FGF14: variants seen among roughly 807,000 people sequenced by gnomAD.
FGF14 encodes the protein fibroblast growth factor 14.
Under a neutral mutation model 25.5 loss-of-function variants are expected in FGF14, and 5 were observed. The observed-to-expected ratio is 0.20, with a 90% CI of 0.10 to 0.41. FGF14 has a LOEUF of 0.41. Among genes scored for constraint, FGF14 ranks in the 10% least tolerant of loss-of-function variants. The pLI is 1.00. For synonymous variants in FGF14, 138 were observed against 118.3 expected (o/e 1.17, Z -1.08); for missense variants, 222 against 320.1 (o/e 0.69, Z 2.34).
chr13:101,786,245 A>T (rs1354700877), intron 3 of FGF14, among the ~76,000 whole-genome samples: 15 of 152,050 alleles, frequency 9.9e-5, no homozygotes, highest in Admixed American at 9.8e-4. Flanking sequence ...ACTACCTATT[A>T]TGTTTTGTTT....
At chr13:101,795,683 G>C (rs1465319494) in intron 3 of FGF14, among the ~76,000 whole-genome samples, 1 of 152,108 alleles carries the variant, frequency 6.6e-6, no homozygotes, top group Non-Finnish European at 1.5e-5. Flanking sequence ...GCCAACACTA[G>C]AGGGGCAAAC....
chr13:101,767,376 C>T (rs2038474548), intron 3 of FGF14, among the ~76,000 whole-genome samples: 1 of 151,984 alleles, frequency 6.6e-6, no homozygotes, highest in African/African-American at 2.4e-5. Context: ...TTTAAAAGCT[C>T]CCTAGGGTTT....
intron 1 of FGF14, among the ~76,000 whole-genome samples, chr13:102,155,122 AG>A (rs2140525535): frequency 6.6e-6 from 1 of 152,332 alleles, no homozygotes; most frequent in South Asian, 2.1e-4. Flanking sequence ...AAAGTTAACA[AG>A]GATATCCAGG....
At chr13:102,017,475 C>G (rs1437088008) in intron 1 of FGF14, among the ~76,000 whole-genome samples, 2 of 152,166 alleles carry the variant, frequency 1.3e-5, no homozygotes, top group Admixed American at 6.5e-5. Flanking sequence ...AGTGATAAGT[C>G]TGCTGTCAAT....
At position 102,346,124 on chromosome 13, in the gene FGF14, G is replaced by C. The variant is rs139176126; in HGVS notation, c.208+55347C>G. On this transcript the variant is annotated intron_variant, in intron 1 of 4. Coordinates refer to the FGF14 transcript ENST00000376131. ...TCTTTAAATTATCCCAAATCCTGAAGTATTTTGGTTGAAATCAATAAAATA... is the reference window on the plus strand; with the variant it reads ...TCTTTAAATTATCCCAAATCCTGAACTATTTTGGTTGAAATCAATAAAATA... 4.7e-3 allele frequency among the ~76,000 whole-genome samples: 712 copies of C among 152,136 alleles called. 5 individuals carry two copies. The highest frequency in any genetic ancestry group is 0.016 in the African/African-American group (671 of 41,494).
intron 1 of FGF14, among the ~76,000 whole-genome samples, chr13:102,180,437 C>A (rs904298319): frequency 1.3e-5 from 2 of 152,002 alleles, no homozygotes; most frequent in Non-Finnish European, 2.9e-5. Flanking sequence ...CTCAGCCTCC[C>A]GAGTAGCTGG....
intron 1 of FGF14, among the ~76,000 whole-genome samples, chr13:102,285,726 T>C (rs1248956415): frequency 1.3e-5 from 2 of 152,230 alleles, no homozygotes; most frequent in Non-Finnish European, 2.9e-5. Flanking sequence ...CCCAGCACTG[T>C]TCTAAATATT....
chr13:102,002,643 G>A (rs1010715602), intron 1 of FGF14: 1 of 154,414 alleles, frequency 6.5e-6, no homozygotes, highest in Non-Finnish European at 1.5e-5. Flanking sequence ...TTAGCTAGAT[G>A]ACTGTTGATC....
intron 1 of FGF14, among the ~76,000 whole-genome samples, chr13:102,325,460 C>T (rs1362338475): frequency 6.6e-6 from 1 of 152,002 alleles, no homozygotes; most frequent in Non-Finnish European, 1.5e-5. Context: ...CTTACCACAC[C>T]CTCTTGTGCA....
At chr13:101,966,909 A>G (rs571990864) in intron 1 of FGF14, among the ~76,000 whole-genome samples, 1 of 152,310 alleles carries the variant, frequency 6.6e-6, no homozygotes, top group East Asian at 1.9e-4. Flanking sequence ...CGGCTCATAT[A>G]ATGAAAGAAA....
intron 3 of FGF14, among the ~76,000 whole-genome samples, chr13:101,814,640 T>C (rs2041742338): frequency 6.6e-6 from 1 of 152,232 alleles, no homozygotes; most frequent in African/African-American, 2.4e-5. Context: ...ATTGTGTCTT[T>C]TGTGGAAACT....
chr13:101,808,173 A>G (rs1218523324), intron 3 of FGF14, among the ~76,000 whole-genome samples: 1 of 152,096 alleles, frequency 6.6e-6, no homozygotes, highest in Non-Finnish European at 1.5e-5. Flanking sequence ...AGAAACTCAT[A>G]GCTCAAGTGA....
At chr13:101,737,427 T>G (rs113624185) in intron 3 of FGF14, among the ~76,000 whole-genome samples, 4 of 24,772 alleles carry the variant, frequency 1.6e-4, no homozygotes, top group African/African-American at 3.8e-4. Context: ...AAGAATAGAA[T>G]TTGCTGTGCA....
intron 1 of FGF14, among the ~76,000 whole-genome samples, chr13:102,139,494 A>G (rs967961033): frequency 1.3e-5 from 2 of 152,196 alleles, no homozygotes; most frequent in African/African-American, 4.8e-5. Context: ...TGCTTAGCAA[A>G]AGAGATTAGC....
intron 3 of FGF14, among the ~76,000 whole-genome samples, chr13:101,861,913 C>G (rs2044437767): frequency 6.6e-6 from 1 of 152,246 alleles, no homozygotes; most frequent in Non-Finnish European, 1.5e-5. Flanking sequence ...GTGAAATCCT[C>G]TGGAAGTTAA....
intron 1 of FGF14, among the ~76,000 whole-genome samples, chr13:102,189,037 AGAAAGAGAAAGAAT>A (rs1317428360): frequency 0.028 from 2,250 of 79,086 alleles, 112 homozygotes; most frequent in Non-Finnish European, 0.036. Context: ...AAAGAAAGAA[AGAAAGAGAAAGAAT>A]GAAAGAAGAA....
chr13:102,000,689 C>T (rs2039445241), intron 1 of FGF14, among the ~76,000 whole-genome samples: 1 of 152,150 alleles, frequency 6.6e-6, no homozygotes, highest in South Asian at 2.1e-4. Context: ...TTTTTGGTCA[C>T]CCTCAGTTTT....
intron 1 of FGF14, among the ~76,000 whole-genome samples, chr13:102,380,533 T>C (rs2058158788): frequency 6.6e-6 from 1 of 152,170 alleles, no homozygotes; most frequent in Admixed American, 6.6e-5. Flanking sequence ...TACCTACTTA[T>C]GATGACAGGG....
chr13:102,160,339 C>T (rs562010777), intron 1 of FGF14, among the ~76,000 whole-genome samples: 2 of 152,216 alleles, frequency 1.3e-5, no homozygotes, highest in East Asian at 3.9e-4. Flanking sequence ...TAGGATGGCT[C>T]AAGCCCAGCT....
Sources: allele counts gnomAD v4.1 joint callset (sites outside exome capture counted in the v4.1 genomes callset), GRCh38; gene constraint gnomAD v4.1.1; transcripts MANE v1.5; gene names NCBI Gene and HGNC (gene_info 2026-07-23, HGNC 2026-07-21).